The following XXYLT1 variants were observed in gnomAD, a reference collection of about 807,000 sequenced individuals.
XXYLT1 encodes the protein xyloside xylosyltransferase 1.
XXYLT1 carries 20 observed loss-of-function variants against 28.9 expected under a neutral mutation model. The observed-to-expected ratio is 0.69, with a 90% CI of 0.49 to 1.00. The LOEUF is 1.00. XXYLT1 is among the 50% of genes least tolerant of loss of function. XXYLT1 has a pLI of 0.00. For synonymous variants in XXYLT1, 257 were observed against 253.8 expected, an observed-to-expected ratio of 1.01 and a Z score of -0.12; for missense variants, 542 against 560.1, an observed-to-expected ratio of 0.97 and a Z score of 0.33.
chr3:195,208,523 A>T (rs1723171669), intron 2 of XXYLT1, among the ~76,000 whole-genome samples: 1 of 152,224 alleles, frequency 6.6e-6, no homozygotes, highest in South Asian at 2.1e-4. Flanking sequence ...AGGCTGGCCT[A>T]TGGGAAAATA....
At chr3:195,143,265 G>T (rs1014161325) in intron 3 of XXYLT1, among the ~76,000 whole-genome samples, 2 of 152,180 alleles carry the variant, frequency 1.3e-5, no homozygotes, top group African/African-American at 4.8e-5. Context: ...AAGCCTTGCG[G>T]GGTGCAGCCC....
At chr3:195,154,829 G>A (rs1720473880) in intron 3 of XXYLT1, among the ~76,000 whole-genome samples, 2 of 152,178 alleles carry the variant, frequency 1.3e-5, no homozygotes, top group South Asian at 4.1e-4. Context: ...CTCTCACTCT[G>A]CCTGAGGCCC....
intron 1 of XXYLT1, among the ~76,000 whole-genome samples, chr3:195,233,617 AAAAAACAAGC>A (rs1326490605): frequency 1.3e-5 from 2 of 152,256 alleles, no homozygotes; most frequent in African/African-American, 4.8e-5. Context: ...CAAACATACT[AAAAAACAAGC>A]AAAAAGAAAA....
chr3:195,236,392 G>T lies in XXYLT1; in HGVS notation c.505-9536C>A, dbSNP rs111271656. On this transcript the variant is annotated intron_variant, in intron 1 of 3. Transcript: ENST00000310380. ...TGTCCAGTACCACCACAGGCCCATGGGGAGTGCTGCCAGAGCGCCACCAAT... is the reference window on the plus strand; with the variant it reads ...TGTCCAGTACCACCACAGGCCCATGTGGAGTGCTGCCAGAGCGCCACCAAT... 8.4e-4 allele frequency among the ~76,000 whole-genome samples: 128 copies of T among 152,230 alleles called. 2 individuals are homozygous for T. Among genetic ancestry groups the T allele is most frequent in the Middle Eastern group, 6.8e-3 (2 of 294 alleles).
chr3:195,208,853 C>T (rs970434306), intron 2 of XXYLT1, among the ~76,000 whole-genome samples: 4 of 152,202 alleles, frequency 2.6e-5, no homozygotes, highest in African/African-American at 7.2e-5. Context: ...GCGAGGGCCA[C>T]GACACCCAGC....
intron 2 of XXYLT1, chr3:195,214,811 C>A (rs538028988): frequency 6.6e-6 from 1 of 152,326 alleles, no homozygotes; most frequent in Non-Finnish European, 1.5e-5. Context: ...AGCACATATA[C>A]TAAAATTGGA....
chr3:195,128,721 G>A (rs1021657521), intron 3 of XXYLT1, among the ~76,000 whole-genome samples: 17 of 152,050 alleles, frequency 1.1e-4, no homozygotes, highest in African/African-American at 3.1e-4. Context: ...CTCTAATTGG[G>A]CCTCTCCTAT....
intron 2 of XXYLT1, among the ~76,000 whole-genome samples, chr3:195,179,005 T>C (rs1266558083): frequency 1.3e-5 from 2 of 152,184 alleles, no homozygotes; most frequent in African/African-American, 4.8e-5. Flanking sequence ...TAGTTTCCAC[T>C]GGACAACTCC....
At chr3:195,095,879 G>A (rs1008528956) in intron 3 of XXYLT1, 10 of 152,278 alleles carry the variant, frequency 6.6e-5, no homozygotes, top group African/African-American at 2.4e-4. Context: ...GGCTGGGAAG[G>A]AACCAGTTAG....
intron 1 of XXYLT1, among the ~76,000 whole-genome samples, chr3:195,230,620 C>A (rs1023149655): frequency 6.6e-6 from 1 of 152,190 alleles, no homozygotes; most frequent in African/African-American, 2.4e-5. Context: ...TTCCCAGCTT[C>A]ATTTATTAAA....
intron 1 of XXYLT1, among the ~76,000 whole-genome samples, chr3:195,235,525 T>C (rs919607915): frequency 6.6e-6 from 1 of 152,214 alleles, no homozygotes; most frequent in African/African-American, 2.4e-5. Flanking sequence ...TGGTGCCTTA[T>C]TTAGTTCACT....
At chr3:195,075,038 G>A (rs1440858514) in intron 3 of XXYLT1, among the ~76,000 whole-genome samples, 1 of 152,180 alleles carries the variant, frequency 6.6e-6, no homozygotes, top group Non-Finnish European at 1.5e-5. Context: ...GATCACCTGA[G>A]GTCAGGAGTT....
At chr3:195,250,609 C>T (rs1725215065) in intron 1 of XXYLT1, among the ~76,000 whole-genome samples, 1 of 151,926 alleles carries the variant, frequency 6.6e-6, no homozygotes, top group African/African-American at 2.4e-5. Flanking sequence ...ACTCCTGGTC[C>T]TCTTCTCCTG....
intron 3 of XXYLT1, among the ~76,000 whole-genome samples, chr3:195,116,246 G>A (rs911835911): frequency 6.6e-5 from 10 of 152,196 alleles, no homozygotes; most frequent in African/African-American, 2.4e-4. Context: ...CTCAACTGCA[G>A]CAACATTTCT....
At chr3:195,228,817 C>CTTT (rs201938499) in intron 1 of XXYLT1, among the ~76,000 whole-genome samples, 8,443 of 145,434 alleles carry the variant, frequency 0.058, 860 homozygotes, top group African/African-American at 0.2. Context: ...ATATGTATCT[C>CTTT]TTTTTTTTTT....
rs76344236 is a variant in XXYLT1 at position 195,125,649 on chromosome 3, C to T, written c.785+30800G>A. 1.3e-3 allele frequency among the ~76,000 whole-genome samples: 202 copies of T among 152,364 alleles called. 1 individual carries two copies. The East Asian group carries it at 0.037, about 28-fold the overall frequency. On this transcript the variant is annotated intron_variant, in intron 3 of 3. Coordinates refer to ENST00000310380, the MANE Select transcript of XXYLT1 (RefSeq NM_152531.5). ...GCTCAATCAATCCCCTGGCCCCACG[C>T]TTCCAAATGCAAATTATCTCAATGA...
At chr3:195,127,986 C>T (rs192995394) in intron 3 of XXYLT1, among the ~76,000 whole-genome samples, 4 of 152,216 alleles carry the variant, frequency 2.6e-5, no homozygotes, top group African/African-American at 7.2e-5. Flanking sequence ...TCCAAACATC[C>T]GTCTCCTCAT....
chr3:195,213,078 A>C (rs182958998), intron 2 of XXYLT1, among the ~76,000 whole-genome samples: 224 of 152,306 alleles, frequency 1.5e-3, no homozygotes, highest in African/African-American at 5.2e-3. Flanking sequence ...AAGTACAACC[A>C]AGTAAGTGAA....
At chr3:195,179,273 G>A (rs1165690891) in intron 2 of XXYLT1, among the ~76,000 whole-genome samples, 1 of 151,350 alleles carries the variant, frequency 6.6e-6, no homozygotes, top group African/African-American at 2.4e-5. Context: ...CAGGGAGTCA[G>A]AGGTTGCAGT....
Sources: gnomAD v4.1 joint callset for allele counts (sites outside exome capture counted in the v4.1 genomes callset) on GRCh38, gnomAD v4.1.1 for gene constraint, MANE v1.5 for transcripts, NCBI Gene and HGNC (gene_info 2026-07-23, HGNC 2026-07-21) for gene names.